The following HDAC7 variants were observed in gnomAD, a reference collection of about 807,000 sequenced individuals.
HDAC7 encodes histone deacetylase 7, also known as histone deacetylase 7A.
Under a neutral mutation model 115.5 loss-of-function variants are expected in HDAC7, and 26 were observed. That is an observed-to-expected ratio of 0.23 (90% CI 0.16 to 0.31). The LOEUF (loss-of-function observed/expected upper bound fraction) is 0.31. Among genes scored for constraint, HDAC7 ranks in the 10% least tolerant of loss-of-function variants. The pLI, the probability that HDAC7 is intolerant of heterozygous loss-of-function variation, is 1.00. For missense variants in HDAC7, 1,068 were observed against 1,329.0 expected, an observed-to-expected ratio of 0.80 and a Z score of 3.05; for synonymous variants, 564 against 550.9, an observed-to-expected ratio of 1.02 and a Z score of -0.33.
intron 13 of HDAC7, chr12:47,792,793 A>C (rs1943599888): frequency 9.7e-6 from 4 of 411,944 alleles, no homozygotes; most frequent in South Asian, 6.8e-5. Context: ...ATGAAATACT[A>C]TGAGACTCTC....
chr12:47,787,574 C>T, intron 21 of HDAC7, 138 bp downstream of exon 21: 1 of 626,084 alleles, frequency 1.6e-6, no homozygotes, highest in South Asian at 2.0e-5. Flanking sequence ...TTGTCCTATT[C>T]TCACTGGCGT....
At chr12:47,790,180 G>A (rs1212670121) in intron 16 of HDAC7, 2 of 490,066 alleles carry the variant, frequency 4.1e-6, no homozygotes, top group Non-Finnish European at 7.5e-6. Context: ...CTGCCTCCCC[G>A]GTCAGGGGAG....
Position 47,795,712 on chromosome 12 carries a change from C to T in HDAC7, c.962G>A (p.Gly321Glu). 1 of 1,548,902 alleles carries T rather than the reference C, an allele frequency of 6.5e-7. No individual in the cohort carries two copies. Among genetic ancestry groups the T allele is most frequent in the Non-Finnish European group, 8.7e-7 (1 of 1,145,840 alleles). ...CAGGAAGAGGGGAGTGTGGGGGCTC[C>T]CCAGGATTGGCCCCCGAGGGCCCAG... is the stretch of plus-strand genomic sequence containing the variant. Reference protein sequence around the residue: ...PTLGPRGPILGSPHTPLFLPH... With the variant: ...PTLGPRGPILESPHTPLFLPH... Residue 321 changes from glycine (G) to glutamate (E), a missense_variant, in exon 10 of 26, where the codon GGG (glycine) becomes GAG (glutamate). Physicochemically the swap from Gly to Glu is moderately conservative, Grantham distance 98. Transcript: ENST00000080059. This position sits in a 1 kb window ranked among gnomAD's most constrained non-coding sequence, Gnocchi z 4.3.
intron 2 of HDAC7, 194 bp from the exon 3 acceptor site, chr12:47,799,166 A>C (rs1944040743): frequency 1.8e-6 from 1 of 552,474 alleles, no homozygotes; most frequent in Non-Finnish European, 3.2e-6. Flanking sequence ...CGTGAGAAAA[A>C]AGTCACATGA....
Position 47,783,792 on chromosome 12 carries a change from G to A in HDAC7, c.*49C>T, listed in dbSNP as rs1402660434. On this transcript the variant is annotated 3_prime_UTR_variant, in exon 26 of 26. Coordinates refer to ENST00000080059, the MANE Select transcript of HDAC7 (RefSeq NM_015401.5). Reference sequence around the variant, plus strand: ...TGGGGGCTATTGCCAGGGGTTAGAAGAGAACCAGGTCCCAAGGGCATGGTG... The same window carrying A: ...TGGGGGCTATTGCCAGGGGTTAGAAAAGAACCAGGTCCCAAGGGCATGGTG... The A allele has an allele frequency of 6.3e-7, 1 of 1,588,536 alleles. No individual in the cohort carries two copies. The highest frequency in any genetic ancestry group is 1.8e-5 in the Admixed American group (1 of 56,688).
intron 19 of HDAC7, chr12:47,788,511 C>G (rs564929892): frequency 3.5e-5 from 6 of 173,228 alleles, no homozygotes; most frequent in African/African-American, 1.4e-4. Context: ...ACCACTCTGT[C>G]TTGCATAAAG....
intron 1 of HDAC7, among the ~76,000 whole-genome samples, chr12:47,804,384 T>C (rs1259443174): frequency 6.6e-6 from 1 of 151,978 alleles, no homozygotes; most frequent in Non-Finnish European, 1.5e-5. Flanking sequence ...AGAGGAAAGG[T>C]ATCTACTGGC....
chr12:47,795,089 C>T lies in HDAC7; in HGVS notation c.1284+95G>A, dbSNP rs1004445194. 7.5e-7 allele frequency: 1 copy of T among 1,335,274 alleles called. No individual in the cohort carries two copies. Among genetic ancestry groups the T allele is most frequent in the Non-Finnish European group, 1.0e-6 (1 of 954,414 alleles). The allele number at this position is 1,335,274 out of a possible 1,614,324, so 82.7% of individuals were successfully genotyped here. On this transcript the variant is annotated intron_variant, in intron 11 of 25. Transcript: ENST00000080059. The surrounding 1 kb of genome is among the most constrained non-coding windows in gnomAD (Gnocchi z 4.3). ...AGCCACATCCCCCTCTTTTGCCCTC[C>T]AGTTCCCTGCCCTTTCTAAGTACCC...
intron 24 of HDAC7, chr12:47,784,876 G>C: frequency 9.3e-7 from 1 of 1,075,572 alleles, no homozygotes. Flanking sequence ...CTTGATATGG[G>C]AATCTATTTT....
At position 47,793,469 on chromosome 12, in the gene HDAC7, G is replaced by A; in HGVS notation, c.1578C>T (p.Ser526=). Reference sequence around the variant, plus strand: ...CTGACAGTGAGGCAGGTGCGGCTGGGGAAGACTGAGCCCGGGACAGAGGCC... The same window carrying A: ...CTGACAGTGAGGCAGGTGCGGCTGGAGAAGACTGAGCCCGGGACAGAGGCC... ...GHRPLSRAQS[S]PAAPASLSAP... is the part of the protein sequence containing the mutation. The change falls in exon 13 of 26, where the codon TCC becomes TCT. Residue 526 remains serine, a synonymous_variant. Transcript: ENST00000080059. This position sits in a 1 kb window ranked among gnomAD's most constrained non-coding sequence, Gnocchi z 4.5. 6.4e-7 allele frequency: 1 copy of A among 1,553,766 alleles called. No individual in the cohort carries two copies. The highest frequency in any genetic ancestry group is 1.4e-5 in the African/African-American group (1 of 73,830).
intron 1 of HDAC7, chr12:47,819,260 G>C (rs1944943437): frequency 6.6e-6 from 1 of 152,526 alleles, no homozygotes; most frequent in South Asian, 2.1e-4. Flanking sequence ...GGCTCCACGG[G>C]ATGGGGGCGC....
At position 47,795,965 on chromosome 12, in the gene HDAC7, C is replaced by T. The variant is rs537464795; in HGVS notation, c.847G>A (p.Ala283Thr). The change falls in exon 9 of 26, where the codon GCC (alanine) becomes ACC (threonine). Residue 283 changes from alanine to threonine, a missense_variant. Ala to Thr is a moderately conservative substitution (Grantham distance 58). Around this residue, in one of 6 missense-constraint regions of HDAC7, gnomAD observed 618 missense variants for 701.5 expected, o/e 0.88. Transcript: ENST00000080059. This position sits in a 1 kb window ranked among gnomAD's most constrained non-coding sequence, Gnocchi z 4.3. ...GGCAGCAAGGACACTGTCGGCAAGGCGAACGGGGCCACAGAAGTCTCCTGC... is the reference window on the plus strand; with the variant it reads ...GGCAGCAAGGACACTGTCGGCAAGGTGAACGGGGCCACAGAAGTCTCCTGC... The part of the protein sequence containing the change: ...RLQETSVAPF[A>T]LPTVSLLPAI... The T allele has an allele frequency of 1.2e-5, 19 of 1,549,980 alleles. No homozygotes were observed. Among genetic ancestry groups the T allele is most frequent in the African/African-American group, 6.8e-5 (5 of 73,192 alleles).
At chr12:47,787,861 G>T in intron 20 of HDAC7, 52 bp from the exon 21 acceptor site, 1 of 1,562,406 alleles carries the variant, frequency 6.4e-7, no homozygotes. Context: ...CCCAGAAGGG[G>T]AACACCAGTT....
Position 47,784,166 on chromosome 12 carries a change from A to G in HDAC7, c.2843T>C (p.Val948Ala), listed in dbSNP as rs1943020758. The change falls in exon 25 of 26, where the codon GTG becomes GCG. Residue 948 changes from valine to alanine, a missense_variant. Val to Ala is a moderately conservative substitution (Grantham distance 64). Around this residue, in one of 6 missense-constraint regions of HDAC7, gnomAD observed 98 missense variants for 123.9 expected, o/e 0.79. Coordinates refer to ENST00000080059, the MANE Select transcript of HDAC7 (RefSeq NM_015401.5). The stretch of plus-strand genomic sequence containing the variant: ...TTTGTCAGCCCCTGGCACTCTAGGC[A>G]CCCAGGAGTCTGGACAGGAGGCCAG... Reference protein sequence around the residue: ...QRLASCPDSWVPRVPGADKEE... With the variant: ...QRLASCPDSWAPRVPGADKEE... The G allele has an allele frequency of 6.2e-7, 1 of 1,613,224 alleles. No homozygotes were observed. The highest frequency in any genetic ancestry group is 1.7e-5 in the Admixed American group (1 of 59,892).
At chr12:47,788,541 T>A (rs964015777) in intron 19 of HDAC7, 1 of 157,694 alleles carries the variant, frequency 6.3e-6, no homozygotes, top group Non-Finnish European at 1.4e-5. Context: ...TATGAGGAGA[T>A]CAGAAACCAA....
At position 47,797,216 on chromosome 12, in the gene HDAC7, T is replaced by C; in HGVS notation, c.578-74A>G. 1 of 1,560,662 alleles carries C rather than the reference T, an allele frequency of 6.4e-7. No individual in the cohort carries two copies. Among genetic ancestry groups the C allele is most frequent in the Non-Finnish European group, 8.7e-7 (1 of 1,150,304 alleles). On this transcript the variant is annotated intron_variant, in intron 6 of 25. Transcript: ENST00000080059. This position sits in a 1 kb window ranked among gnomAD's most constrained non-coding sequence, Gnocchi z 5.5. ...CCACCCTTTAACCCCTCAGTCCCAG[T>C]CATCTCTATCGGTCAAGGAAAGAGA...
chr12:47,810,842 C>A lies in HDAC7; in HGVS notation c.20-8568G>T, dbSNP rs768696917. 9.4e-3 allele frequency among the ~76,000 whole-genome samples: 877 copies of A among 93,146 alleles called. 5 individuals are homozygous for A. Among genetic ancestry groups the A allele is most frequent in the African/African-American group, 0.041 (792 of 19,480 alleles). 61.1% of individuals were successfully genotyped at this position (93,146 alleles called of 152,430 possible). ...TCTCTCTCTCTCTCTCTCTCTCTCTCTCTCTATCTCTATCTCTGTCTCTCA... is the reference window on the plus strand; with the variant it reads ...TCTCTCTCTCTCTCTCTCTCTCTCTATCTCTATCTCTATCTCTGTCTCTCA... On this transcript the variant is annotated intron_variant, in intron 1 of 25. Coordinates refer to ENST00000080059, the MANE Select transcript of HDAC7 (RefSeq NM_015401.5).
At chr12:47,821,288 C>T (rs1945016603), upstream of HDAC7, among the ~76,000 whole-genome samples, 1 of 152,226 alleles carries the variant, frequency 6.6e-6, no homozygotes, top group Non-Finnish European at 1.5e-5. Context: ...ATTCCCTTCC[C>T]TCAGGCACAG....
chr12:47,786,737 T>C (rs1205526495), intron 21 of HDAC7, 34 bp from the exon 22 acceptor site: 1 of 1,559,452 alleles, frequency 6.4e-7, no homozygotes, highest in Non-Finnish European at 8.8e-7. Flanking sequence ...ATCATCGTAC[T>C]GTGCAGGGTT....
Sources: allele counts gnomAD v4.1 joint callset (sites outside exome capture counted in the v4.1 genomes callset), GRCh38; gene constraint gnomAD v4.1.1; regional missense constraint gnomAD v4.1.1; non-coding constraint Gnocchi (gnomAD v3.1); transcripts MANE v1.5; gene names NCBI Gene and HGNC (gene_info 2026-07-23, HGNC 2026-07-21).